PPP2R3A: variants seen among roughly 807,000 people sequenced by gnomAD.
PPP2R3A encodes protein phosphatase 2 regulatory subunit B''alpha.
PPP2R3A carries 80 observed loss-of-function variants against 106.9 expected under a neutral mutation model. The ratio of observed to expected loss-of-function variants is 0.75; its 90% CI spans 0.62 to 0.90. The LOEUF (loss-of-function observed/expected upper bound fraction) is 0.90, where lower values mean the gene tolerates loss of function less well. PPP2R3A is among the 40% of genes least tolerant of loss of function. The probability of loss-of-function intolerance (pLI) is 0.00; values close to 1 mark genes in which losing one functional copy is unlikely to be tolerated. For missense variants in PPP2R3A, 1,386 were observed against 1,350.4 expected (o/e 1.03, Z -0.41); for synonymous variants, 483 against 468.3 (o/e 1.03, Z -0.41).
chr3:136,015,730 G>A (rs537092194), intron 2 of PPP2R3A, among the ~76,000 whole-genome samples: 9 of 151,502 alleles, frequency 5.9e-5, no homozygotes, highest in Admixed American at 1.3e-4. Context: ...TCTCTCTAAT[G>A]GTCTATCAAT....
chr3:136,065,462 C>T (rs909089368), intron 5 of PPP2R3A, among the ~76,000 whole-genome samples: 13 of 152,040 alleles, frequency 8.6e-5, no homozygotes, highest in Non-Finnish European at 1.6e-4. Flanking sequence ...AAATTTTTTA[C>T]GTTTTTATTA....
chr3:136,050,248 T>A (rs527351176), intron 5 of PPP2R3A, among the ~76,000 whole-genome samples: 4 of 152,346 alleles, frequency 2.6e-5, no homozygotes, highest in Non-Finnish European at 5.9e-5. Flanking sequence ...AATTTTAAAC[T>A]CTGTGTGTTG....
chr3:136,133,183 C>A (rs527540485), intron 13 of PPP2R3A, among the ~76,000 whole-genome samples: 7 of 151,964 alleles, frequency 4.6e-5, no homozygotes, highest in African/African-American at 1.2e-4. Context: ...AAATTAAAAA[C>A]GATTGCTCTT....
At chr3:136,104,842 CAT>C (rs897660193) in intron 12 of PPP2R3A, among the ~76,000 whole-genome samples, 6 of 152,132 alleles carry the variant, frequency 3.9e-5, no homozygotes, top group Non-Finnish European at 7.4e-5. Context: ...TTATCTGAAA[CAT>C]AAAATTTCAA....
intron 2 of PPP2R3A, among the ~76,000 whole-genome samples, chr3:136,014,416 C>G (rs1576435202): frequency 6.6e-6 from 1 of 152,066 alleles, no homozygotes; most frequent in Non-Finnish European, 1.5e-5. Context: ...GCAGAATGGT[C>G]ATTTTCACAA....
chr3:135,998,599 C>G (rs1394846393), intron 1 of PPP2R3A, among the ~76,000 whole-genome samples: 1 of 152,108 alleles, frequency 6.6e-6, no homozygotes, highest in African/African-American at 2.4e-5. Flanking sequence ...CACACACACA[C>G]ACATCTTTTG....
chr3:135,989,473 T>C (rs979432898), intron 1 of PPP2R3A, among the ~76,000 whole-genome samples: 3 of 152,170 alleles, frequency 2.0e-5, no homozygotes, highest in Non-Finnish European at 4.4e-5. Flanking sequence ...GATTTGAAAT[T>C]ACTTCATTTA....
intron 3 of PPP2R3A, among the ~76,000 whole-genome samples, chr3:136,037,399 A>C (rs1476151088): frequency 6.6e-6 from 1 of 152,240 alleles, no homozygotes; most frequent in Non-Finnish European, 1.5e-5. Flanking sequence ...GAAACAGAGA[A>C]ACAGTAAGAA....
At chr3:135,986,717 T>C (rs1428454248) in intron 1 of PPP2R3A, among the ~76,000 whole-genome samples, 1 of 152,126 alleles carries the variant, frequency 6.6e-6, no homozygotes, top group Non-Finnish European at 1.5e-5. Flanking sequence ...TCTGCTTTCT[T>C]TCCTGTTAGT....
chr3:136,130,392 G>C (rs1938364756), intron 13 of PPP2R3A, among the ~76,000 whole-genome samples: 1 of 152,074 alleles, frequency 6.6e-6, no homozygotes, highest in Non-Finnish European at 1.5e-5. Flanking sequence ...CAAATAATGA[G>C]TGAACTCCCA....
chr3:136,001,040 A>ATTT lies in PPP2R3A; in HGVS notation c.-440-10_-440-8dup. 2.9e-6 allele frequency: 1 copy of ATTT among 350,052 alleles called. No individual in the cohort carries two copies. 21.7% of individuals were successfully genotyped at this position (350,052 alleles called of 1,614,324 possible). On this transcript the variant is annotated intron_variant, in intron 1 of 13. Coordinates refer to ENST00000264977, the MANE Select transcript of PPP2R3A (RefSeq NM_002718.5). The stretch of plus-strand genomic sequence containing the variant: ...CCAGCATTAAAAAAATTTCCTTTTA[A>ATTT]TTTTTTTTTTTATTACAGGTTTCTC...
intron 2 of PPP2R3A, among the ~76,000 whole-genome samples, chr3:136,022,238 CTT>C (rs942988808): frequency 7.9e-5 from 12 of 152,076 alleles, no homozygotes; most frequent in African/African-American, 2.7e-4. Context: ...GTATCTAAAA[CTT>C]TTCTATGGCA....
In PPP2R3A at chr3:136,109,466, A is replaced by C. The variant is rs573920555; in HGVS notation, c.3329+3144A>C. 1.6e-4 allele frequency among the ~76,000 whole-genome samples: 24 copies of C among 152,260 alleles called. No homozygotes were observed. In the South Asian group the frequency reaches 5.0e-3, roughly 32 times the overall value. ...GAATATAAAAATAATTAAGACCCCCAAAAAAACTGTCTTGATAACATCAGA... is the reference window on the plus strand; with the variant it reads ...GAATATAAAAATAATTAAGACCCCCCAAAAAACTGTCTTGATAACATCAGA... On this transcript the variant is annotated intron_variant, in intron 13 of 13. Coordinates refer to ENST00000264977, the MANE Select transcript of PPP2R3A (RefSeq NM_002718.5).
intron 3 of PPP2R3A, among the ~76,000 whole-genome samples, chr3:136,036,026 C>T (rs1437758411): frequency 6.6e-6 from 1 of 151,832 alleles, no homozygotes; most frequent in Non-Finnish European, 1.5e-5. Flanking sequence ...CTGAGACTTT[C>T]CAGAGCATTT....
chr3:136,040,504 C>T (rs889516565), intron 3 of PPP2R3A, among the ~76,000 whole-genome samples: 3 of 152,146 alleles, frequency 2.0e-5, no homozygotes, highest in Admixed American at 1.3e-4. Flanking sequence ...TGTGTCACTG[C>T]ACTCCAGCCT....
rs1455870400 is a variant in PPP2R3A at position 136,013,178 on chromosome 3, GTGTGTATGTATGTATGTA to G, written c.1995+9689_1995+9706del. ...CCATGGTGTGTGTGTGTGTGTGTGT[GTGTGTATGTATGTATGTA>G]TGTATGTATGTATGTATGTATGTAT... On this transcript the variant is annotated intron_variant, in intron 2 of 13. Coordinates refer to ENST00000264977, the MANE Select transcript of PPP2R3A (RefSeq NM_002718.5). Among the ~76,000 whole-genome samples, 33 of 126,910 alleles carry G rather than the reference GTGTGTATGTATGTATGTA, an allele frequency of 2.6e-4. No homozygotes were observed. The South Asian group carries it at 8.5e-3, about 33-fold the overall frequency. The allele number at this position is 126,910 out of a possible 152,430, so 83.3% of individuals were successfully genotyped here.
chr3:136,130,700 A>C (rs1427049501), intron 13 of PPP2R3A, among the ~76,000 whole-genome samples: 2 of 152,216 alleles, frequency 1.3e-5, no homozygotes, highest in Non-Finnish European at 2.9e-5. Context: ...CTGCATTGCC[A>C]AGACAATCCT....
intron 13 of PPP2R3A, among the ~76,000 whole-genome samples, chr3:136,127,171 G>A (rs189109579): frequency 1.4e-4 from 22 of 152,308 alleles, no homozygotes; most frequent in Admixed American, 1.0e-3. Flanking sequence ...TGACTTTGAC[G>A]AGTTGACAGA....
chr3:136,055,123 C>CT, intron 5 of PPP2R3A: 4 of 671,338 alleles, frequency 6.0e-6, no homozygotes, highest in Admixed American at 2.8e-5. Flanking sequence ...TGCTACAAGG[C>CT]TTTTTTCCTC....
Sources: allele counts gnomAD v4.1 joint callset (sites outside exome capture counted in the v4.1 genomes callset), GRCh38; gene constraint gnomAD v4.1.1; transcripts MANE v1.5; gene names NCBI Gene and HGNC (gene_info 2026-07-23, HGNC 2026-07-21).